The following EDA2R variants were observed in gnomAD, a reference collection of about 807,000 sequenced individuals.
The protein encoded by EDA2R is ectodysplasin A2 receptor.
In EDA2R, 26 loss-of-function variants were observed where a neutral mutation model predicts 20.1. The ratio of observed to expected loss-of-function variants is 1.30; its 90% CI spans 0.95 to 1.80. The LOEUF (loss-of-function observed/expected upper bound fraction) is 1.80, where lower values mean the gene tolerates loss of function less well. Among genes scored for constraint, EDA2R ranks in the 40% most tolerant of loss-of-function variants. The probability of loss-of-function intolerance (pLI) is 0.00; values close to 1 mark genes in which losing one functional copy is unlikely to be tolerated. For synonymous variants in EDA2R, 114 were observed against 88.7 expected, an observed-to-expected ratio of 1.29 and a Z score of -1.60; for missense variants, 277 against 228.7, an observed-to-expected ratio of 1.21 and a Z score of -1.36.
intron 2 of EDA2R, among the ~76,000 whole-genome samples, chrX:66,610,272 A>AACACACACACACAC (rs10657734): frequency 6.9e-5 from 6 of 87,456 alleles, no homozygotes; most frequent in Non-Finnish European, 1.1e-4. Flanking sequence ...CAGATACACA[A>AACACACACACACAC]ACACACACAC....
chrX:66,600,167 G>T, intron 5 of EDA2R: 1 of 795,719 alleles, frequency 1.3e-6, no homozygotes, highest in Non-Finnish European at 1.8e-6. Flanking sequence ...TTCATGGCCT[G>T]GTCTTATGTC....
At chrX:66,633,755 T>G (rs1386529260) in intron 1 of EDA2R, among the ~76,000 whole-genome samples, 1 of 111,887 alleles carries the variant, frequency 8.9e-6, no homozygotes, top group Non-Finnish European at 1.9e-5. Context: ...AAAAAATTAG[T>G]TACTCAACCA....
chrX:66,599,688 T>A lies in EDA2R; in HGVS notation c.690A>T (p.Thr230=). The part of the protein sequence containing the change: ...DDCSSTSGFP[T]QESFTMASCT... ...AGGAGGCCATGGTAAAGGACTCCTGTGTGGGGAAGCCACTAGTCGAGCTGC... is the reference window on the plus strand; with the variant it reads ...AGGAGGCCATGGTAAAGGACTCCTGAGTGGGGAAGCCACTAGTCGAGCTGC... The change falls in exon 6 of 7, where the codon ACA becomes ACT. Residue 230 remains threonine (T), a synonymous_variant. Coordinates refer to ENST00000374719, the MANE Select transcript of EDA2R (RefSeq NM_021783.5). 8.3e-7 allele frequency: 1 copy of A among 1,209,283 alleles called. No individual in the cohort carries two copies. Among genetic ancestry groups the A allele is most frequent in the Non-Finnish European group, 1.1e-6 (1 of 894,510 alleles).
intron 2 of EDA2R, among the ~76,000 whole-genome samples, chrX:66,615,043 A>G: frequency 8.9e-6 from 1 of 111,787 alleles, no homozygotes. Flanking sequence ...CATAATCTGA[A>G]GTAGCCACCC....
chrX:66,619,989 C>T (rs541388985), intron 1 of EDA2R, among the ~76,000 whole-genome samples: 9 of 111,542 alleles, frequency 8.1e-5, no homozygotes, highest in South Asian at 7.7e-4. Flanking sequence ...GGCTCCCTCA[C>T]GCCCCTTCCC....
At chrX:66,631,585 T>C (rs1933819774) in intron 1 of EDA2R, among the ~76,000 whole-genome samples, 1 of 111,687 alleles carries the variant, frequency 9.0e-6, no homozygotes, top group African/African-American at 3.3e-5. Context: ...CAAAAAAGCA[T>C]TTTATTAATG....
At chrX:66,618,223 T>C (rs1197195850) in intron 1 of EDA2R, among the ~76,000 whole-genome samples, 1 of 112,069 alleles carries the variant, frequency 8.9e-6, no homozygotes, top group Non-Finnish European at 1.9e-5. Flanking sequence ...ATTCAAAGCA[T>C]ACAAATTAAA....
intron 1 of EDA2R, among the ~76,000 whole-genome samples, chrX:66,625,684 C>T (rs1372912212): frequency 1.8e-5 from 2 of 112,095 alleles, no homozygotes; most frequent in Non-Finnish European, 3.8e-5. Context: ...CTGAAAAGCA[C>T]CACCTCCTGG....
At chrX:66,626,748 A>G (rs1465096210) in intron 1 of EDA2R, among the ~76,000 whole-genome samples, 1 of 99,857 alleles carries the variant, frequency 1.0e-5, no homozygotes, top group African/African-American at 3.7e-5. Flanking sequence ...AAAGGAAAGA[A>G]TCTTAAGATC....
rs187264273 is a variant in EDA2R, at chrX:66,597,033, G to A, written c.*1071C>T. 8.8e-6 allele frequency: 1 copy of A among 113,149 alleles called. No individual in the cohort carries two copies. The highest frequency in any genetic ancestry group is 9.3e-5 in the Admixed American group (1 of 10,767). 9.3% of individuals were successfully genotyped at this position (113,149 alleles called of 1,213,427 possible). A position where few individuals can be genotyped will look rare whatever the true frequency, so the allele number is the denominator to read the frequency against. On this transcript the variant is annotated 3_prime_UTR_variant, in exon 7 of 7. Transcript: ENST00000374719. Reference sequence around the variant, plus strand: ...ATAAAATTCTAAAAGCAAAAATCTTGCTGTAGACAGCACTCCTTTGCCAGA... The same window carrying A: ...ATAAAATTCTAAAAGCAAAAATCTTACTGTAGACAGCACTCCTTTGCCAGA...
At chrX:66,605,444 CTAAG>C (rs1270754809) in intron 2 of EDA2R, among the ~76,000 whole-genome samples, 4 of 112,200 alleles carry the variant, frequency 3.6e-5, no homozygotes, top group African/African-American at 1.3e-4. Flanking sequence ...TGAAGTAAAG[CTAAG>C]TATTTGTATC....
chrX:66,638,126 G>T (rs1427924385), intron 1 of EDA2R, among the ~76,000 whole-genome samples: 1 of 112,177 alleles, frequency 8.9e-6, no homozygotes, highest in Non-Finnish European at 1.9e-5. Context: ...TATCCAGGAT[G>T]AGACTGTCAG....
At chrX:66,631,024 TAC>T (rs758766899) in intron 1 of EDA2R, among the ~76,000 whole-genome samples, 3 of 109,683 alleles carry the variant, frequency 2.7e-5, no homozygotes, top group African/African-American at 6.6e-5. Context: ...TATATACATA[TAC>T]ACACACATGT....
intron 1 of EDA2R, among the ~76,000 whole-genome samples, chrX:66,619,485 C>T (rs1424174187): frequency 8.9e-6 from 1 of 111,932 alleles, no homozygotes; most frequent in African/African-American, 3.2e-5. Context: ...TGATTTTCCA[C>T]AGAACAGTCC....
chrX:66,599,418 T>C lies in EDA2R; in HGVS notation c.*10+56A>G, dbSNP rs776496115. 8.6e-6 allele frequency: 9 copies of C among 1,050,590 alleles called. No individual in the cohort carries two copies. In the East Asian group the frequency reaches 2.8e-4, roughly 32 times the overall value. 86.6% of individuals were successfully genotyped at this position (1,050,590 alleles called of 1,213,427 possible). ...CCAAAAGAGAATTCCTTGAGGTTAG[T>C]CCTTAATTTCTGTTTTGCTTTTTTT... On this transcript the variant is annotated intron_variant, in intron 6 of 6. Coordinates refer to ENST00000374719, the MANE Select transcript of EDA2R (RefSeq NM_021783.5).
In EDA2R at chrX:66,615,947, T is replaced by G; in HGVS notation, c.74A>C (p.Gln25Pro). ...AGGATAACTTACCTTGGATAGCTCC[T>G]GTCCAGGACCACACCGTTGGCAGGT... ...CVTCQRCGPGQELSKDCGYGE... is the reference protein window; with the variant it reads ...CVTCQRCGPGPELSKDCGYGE... The change falls in exon 2 of 7, where the codon CAG becomes CCG. Residue 25 changes from glutamine (Q) to proline (P), a missense_variant. Coordinates refer to ENST00000374719, the MANE Select transcript of EDA2R (RefSeq NM_021783.5). 1 of 1,209,129 alleles carries G rather than the reference T, an allele frequency of 8.3e-7. No homozygotes were observed. The highest frequency in any genetic ancestry group is 1.1e-6 in the Non-Finnish European group (1 of 893,334).
chrX:66,618,963 C>T lies in EDA2R; in HGVS notation c.-10-2933G>A, dbSNP rs148634460. On this transcript the variant is annotated intron_variant, in intron 1 of 6. Coordinates refer to ENST00000374719, the MANE Select transcript of EDA2R (RefSeq NM_021783.5). ...GCACAGTAATTTAGAAAATTAAATG[C>T]AATAATACATATTAAGGGACCAAGT... 6.7e-3 allele frequency among the ~76,000 whole-genome samples: 746 copies of T among 112,036 alleles called. 5 individuals are homozygous for T. The highest frequency in any genetic ancestry group is 8.8e-3 in the Non-Finnish European group (471 of 53,239).
chrX:66,611,350 A>G (rs191561085), intron 2 of EDA2R, among the ~76,000 whole-genome samples: 131 of 111,932 alleles, frequency 1.2e-3, no homozygotes, highest in Non-Finnish European at 2.1e-3. Context: ...TGAATGAGAA[A>G]AGTCAATTAA....
At position 66,605,177 on chromosome X, in the gene EDA2R, G is replaced by T; in HGVS notation, c.137C>A (p.Pro46His). 2.1e-5 allele frequency: 25 copies of T among 1,209,982 alleles called. No homozygotes were observed. The highest frequency in any genetic ancestry group is 2.8e-5 in the Non-Finnish European group (25 of 894,658). The change falls in exon 3 of 7, where the codon CCT becomes CAT. Residue 46 changes from proline to histidine, a missense_variant. Transcript: ENST00000374719. ...GGDAYCTACP[P>H]RRYKSSWGHH... The stretch of plus-strand genomic sequence containing the variant: ...GCCCCAGCTGCTTTTGTACCTGCGA[G>T]GAGGGCAGGCTGTGCAGTAGGCATC...
Sources: gnomAD v4.1 joint callset for allele counts (sites outside exome capture counted in the v4.1 genomes callset) on GRCh38, gnomAD v4.1.1 for gene constraint, MANE v1.5 for transcripts, NCBI Gene and HGNC (gene_info 2026-07-23, HGNC 2026-07-21) for gene names.